Variants in BNIP3 observed in about 807,000 individuals in gnomAD.
BNIP3 encodes the protein BCL2/adenovirus E1B 19 kDa protein-interacting protein 3.
A neutral mutation model predicts 23.9 loss-of-function variants in BNIP3; 16 were observed. The observed-to-expected ratio is 0.67, with a 90% CI of 0.45 to 1.01. BNIP3 has a LOEUF of 1.01. Ranked by LOEUF, BNIP3 falls within the 50% of genes least tolerant of loss-of-function variation. The pLI is 0.00. For synonymous variants in BNIP3, 81 were observed against 89.3 expected, an observed-to-expected ratio of 0.91 and a Z score of 0.53; for missense variants, 198 against 248.7, an observed-to-expected ratio of 0.80 and a Z score of 1.37.
chr10:131,981,146 T>C (rs963895879), intron 1 of BNIP3: 1 of 152,256 alleles, frequency 6.6e-6, no homozygotes, highest in African/African-American at 2.4e-5. Context: ...CTTTTGCTTG[T>C]GTTTTCTTAA....
At position 131,970,061 on chromosome 10, in the gene BNIP3, C is replaced by T. The variant is rs1183093236; in HGVS notation, c.539+577G>A. 1 of 152,744 alleles carries T rather than the reference C, an allele frequency of 6.5e-6. No individual in the cohort carries two copies. Among genetic ancestry groups the T allele is most frequent in the African/African-American group, 2.4e-5 (1 of 41,468 alleles). 9.5% of individuals were successfully genotyped at this position (152,744 alleles called of 1,614,324 possible). On this transcript the variant is annotated intron_variant, in intron 5 of 5. Transcript: ENST00000368636. The surrounding 1 kb of genome is among the most constrained non-coding windows in gnomAD (Gnocchi z 4.1). ...AGGCCTGGTGGTGGGCACCTGTAAT[C>T]CCAGCTACCCAGGAGGCTGAGGCAG...
intron 3 of BNIP3, chr10:131,971,193 T>C: frequency 1.8e-6 from 1 of 559,106 alleles, no homozygotes; most frequent in Non-Finnish European, 3.2e-6. Flanking sequence ...CAGGGACAGA[T>C]CACCTCTGGG....
chr10:131,981,653 G>T, intron 1 of BNIP3, 108 bp downstream of exon 1: 1 of 1,274,394 alleles, frequency 7.8e-7, no homozygotes, highest in African/African-American at 1.6e-5. Context: ...CGCCCGGCCC[G>T]CGATGCCCCC....
At position 131,976,631 on chromosome 10, in the gene BNIP3, T is replaced by G. The variant is rs901146836; in HGVS notation, c.47-2688A>C. Among the ~76,000 whole-genome samples, 1 of 151,444 alleles carries G rather than the reference T, an allele frequency of 6.6e-6. No individual in the cohort carries two copies. Among genetic ancestry groups the G allele is most frequent in the African/African-American group, 2.4e-5 (1 of 41,152 alleles). ...GTCCCAACCCTAACCCCAACCACAC[T>G]CTCTGCAACCAGACTCCCACTTACC... is the stretch of plus-strand genomic sequence containing the variant. On this transcript the variant is annotated intron_variant, in intron 1 of 5. Transcript: ENST00000368636. The surrounding 1 kb of genome is among the most constrained non-coding windows in gnomAD (Gnocchi z 4.3).
chr10:131,975,129 A>G (rs936977987), intron 1 of BNIP3, among the ~76,000 whole-genome samples: 4 of 152,194 alleles, frequency 2.6e-5, no homozygotes, highest in African/African-American at 9.7e-5. Context: ...CTCTACTGTT[A>G]TGACAGTCAC....
In BNIP3 at chr10:131,973,876, A is replaced by G. The variant is rs776345951; in HGVS notation, c.114T>C (p.Ile38=). The G allele has an allele frequency of 1.6e-5, 26 of 1,613,138 alleles. No homozygotes were observed. Among genetic ancestry groups the G allele is most frequent in the Non-Finnish European group, 2.2e-5 (26 of 1,180,050 alleles). Reference sequence around the variant, plus strand: ...GTATTTTTTCCATGTCTCCATTATAAATAGAAACCGAGGCTGGAACGCTGC... The same window carrying G: ...GTATTTTTTCCATGTCTCCATTATAGATAGAAACCGAGGCTGGAACGCTGC... ...NGGSVPASVS[I]YNGDMEKILL... Residue 38 remains isoleucine (I), a synonymous_variant, in exon 2 of 6, where the codon ATT becomes ATC. Transcript: ENST00000368636.
At chr10:131,968,639 G>C in intron 5 of BNIP3, 70 bp from the exon 6 acceptor site, 1 of 1,408,994 alleles carries the variant, frequency 7.1e-7, no homozygotes, top group Non-Finnish European at 1.0e-6. Flanking sequence ...AGCTGAAACA[G>C]GGTAGCTCAC....
chr10:131,978,426 G>T (rs191197993), intron 1 of BNIP3, among the ~76,000 whole-genome samples: 314 of 151,096 alleles, frequency 2.1e-3, no homozygotes, highest in African/African-American at 7.1e-3. Context: ...TTTTCTAGGT[G>T]CCCAAAGCAG....
intron 2 of BNIP3, chr10:131,973,348 A>T (rs2037055769): frequency 3.8e-6 from 2 of 526,912 alleles, no homozygotes; most frequent in African/African-American, 1.9e-5. Context: ...ACGCAGGGGC[A>T]ACTGGCAAGC....
At chr10:131,981,474 G>C in intron 1 of BNIP3, 1 of 413,678 alleles carries the variant, frequency 2.4e-6, no homozygotes, top group East Asian at 3.7e-5. Context: ...ATTCTAGCTC[G>C]CGCGGAGCTG....
intron 5 of BNIP3, 89 bp from the exon 6 acceptor site, chr10:131,968,658 G>C (rs1218378391): frequency 4.2e-6 from 5 of 1,200,274 alleles, no homozygotes; most frequent in Non-Finnish European, 6.1e-6. Flanking sequence ...ACTGTGGTTA[G>C]AGCTTATGCA....
intron 3 of BNIP3, chr10:131,971,382 G>T (rs45474491): frequency 0.018 from 4,203 of 233,980 alleles, 49 homozygotes; most frequent in Middle Eastern, 0.043. Context: ...GGGACATGAC[G>T]AAGGAAGGGA....
chr10:131,970,883 G>C lies in BNIP3; in HGVS notation c.370C>G (p.Pro124Ala), dbSNP rs1290589345. 6.2e-7 allele frequency: 1 copy of C among 1,614,190 alleles called. No individual in the cohort carries two copies. The highest frequency in any genetic ancestry group is 8.5e-7 in the Non-Finnish European group (1 of 1,180,030). Reference protein sequence around the residue: ...SDWIWDWSSRPENIPPKEFLF... With the variant: ...SDWIWDWSSRAENIPPKEFLF... The stretch of plus-strand genomic sequence containing the variant: ...ACTCACTTGGGGGGAATATTTTCCG[G>C]CCGACTTGACCAATCCCATATCCAA... Residue 124 changes from proline (P) to alanine (A), a missense_variant, in exon 4 of 6, where the codon CCG becomes GCG. Coordinates refer to ENST00000368636, the MANE Select transcript of BNIP3 (RefSeq NM_004052.4). The surrounding 1 kb of genome is among the most constrained non-coding windows in gnomAD (Gnocchi z 4.1).
chr10:131,979,203 C>A (rs2037100779), intron 1 of BNIP3, among the ~76,000 whole-genome samples: 1 of 152,234 alleles, frequency 6.6e-6, no homozygotes, highest in East Asian at 1.9e-4. Context: ...ACCTCTAGAA[C>A]CTCATTGTGA....
At chr10:131,981,512 G>C (rs964340744) in intron 1 of BNIP3, among the ~76,000 whole-genome samples, 1 of 152,216 alleles carries the variant, frequency 6.6e-6, no homozygotes, top group Non-Finnish European at 1.5e-5. Context: ...CGTGCGGTCC[G>C]ACCCGGGTCC....
rs45474403 is a variant in BNIP3 at position 131,972,959 on chromosome 10, A to G, written c.282+75T>C. 3,921 of 1,454,456 alleles carry G rather than the reference A, an allele frequency of 2.7e-3. 8 individuals are homozygous for G. Among genetic ancestry groups the G allele is most frequent in the Non-Finnish European group, 3.5e-3 (3,682 of 1,044,546 alleles). The allele number at this position is 1,454,456 out of a possible 1,614,324, so 90.1% of individuals were successfully genotyped here. A position where few individuals can be genotyped will look rare whatever the true frequency, so the allele number is the denominator to read the frequency against. ...GCCCGACTTTTCTCTGAGGTGCTCAATTACATTTAAAACCGTTTCCTGTAC... is the reference window on the plus strand; with the variant it reads ...GCCCGACTTTTCTCTGAGGTGCTCAGTTACATTTAAAACCGTTTCCTGTAC... On this transcript the variant is annotated intron_variant, in intron 3 of 5. Transcript: ENST00000368636.
At chr10:131,972,999 T>C in intron 3 of BNIP3, 35 bp downstream of exon 3, 1 of 1,585,236 alleles carries the variant, frequency 6.3e-7, no homozygotes, top group Non-Finnish European at 8.7e-7. Flanking sequence ...AGATCACAAA[T>C]ACTTTTACAA....
Position 131,981,852 on chromosome 10 carries a change from G to C in BNIP3, c.-46C>G. ...GCGATCGGAGTCCGCGCCGGGCTGCGGGATGTGCTTCAGCTGCGGGCGGTG... is the reference window on the plus strand; with the variant it reads ...GCGATCGGAGTCCGCGCCGGGCTGCCGGATGTGCTTCAGCTGCGGGCGGTG... On this transcript the variant is annotated 5_prime_UTR_variant, in exon 1 of 6. Transcript: ENST00000368636. 1.4e-6 allele frequency: 2 copies of C among 1,414,326 alleles called. No individual in the cohort carries two copies. Among genetic ancestry groups the C allele is most frequent in the Non-Finnish European group, 1.8e-6 (2 of 1,089,542 alleles). 87.6% of individuals were successfully genotyped at this position (1,414,326 alleles called of 1,614,324 possible).
intron 2 of BNIP3, 132 bp downstream of exon 2, chr10:131,973,661 G>C (rs1290366867): frequency 8.0e-7 from 1 of 1,256,886 alleles, no homozygotes; most frequent in Non-Finnish European, 1.1e-6. Context: ...TGCAGCAGGA[G>C]CCAGTCCAGA....
Sources: gnomAD v4.1 joint callset for allele counts (sites outside exome capture counted in the v4.1 genomes callset) on GRCh38, gnomAD v4.1.1 for gene constraint, Gnocchi (gnomAD v3.1) non-coding constraint, MANE v1.5 for transcripts, NCBI Gene and HGNC (gene_info 2026-07-23, HGNC 2026-07-21) for gene names.